Variants in VRK2 observed in about 807,000 individuals in gnomAD.
VRK2 encodes the protein VRK serine/threonine kinase 2.
A neutral mutation model predicts 57.6 loss-of-function variants in VRK2; 60 were observed. That is an observed-to-expected ratio of 1.04 (90% CI 0.85 to 1.29). The LOEUF (loss-of-function observed/expected upper bound fraction) is 1.29. Ranked by LOEUF, VRK2 falls within the 50% of genes most tolerant of loss-of-function variation. The probability of loss-of-function intolerance (pLI) is 0.00; values close to 1 mark genes in which losing one functional copy is unlikely to be tolerated. For missense variants in VRK2, 705 were observed against 588.1 expected (o/e 1.20, Z -2.06); for synonymous variants, 231 against 199.2 (o/e 1.16, Z -1.35).
chr2:57,947,349 A>AT (rs376766093), intron 1 of VRK2, among the ~76,000 whole-genome samples: 11 of 152,248 alleles, frequency 7.2e-5, no homozygotes, highest in African/African-American at 2.2e-4. Context: ...GGCACCAAAT[A>AT]TTTTTTTAAA....
chr2:58,159,189 T>C, intron 12 of VRK2, 160 bp from the exon 13 acceptor site: 1 of 556,902 alleles, frequency 1.8e-6, no homozygotes. Flanking sequence ...AAAGTGTAAA[T>C]CTTTAAGATC....
At chr2:58,145,692 G>T (rs1057363346) in intron 11 of VRK2, among the ~76,000 whole-genome samples, 1 of 151,756 alleles carries the variant, frequency 6.6e-6, no homozygotes, top group Non-Finnish European at 1.5e-5. Context: ...TATTACATAT[G>T]TATATATGTG....
intron 11 of VRK2, among the ~76,000 whole-genome samples, chr2:58,142,108 C>T (rs547391125): frequency 6.6e-6 from 1 of 151,692 alleles, no homozygotes; most frequent in African/African-American, 2.4e-5. Flanking sequence ...AAAAGGTATA[C>T]ATAAATAAAT....
At chr2:57,938,248 T>C (rs1670981018) in intron 1 of VRK2, among the ~76,000 whole-genome samples, 1 of 152,184 alleles carries the variant, frequency 6.6e-6, no homozygotes, top group Non-Finnish European at 1.5e-5. Context: ...CTCTATAACA[T>C]AATAATGTTC....
At chr2:58,114,067 G>A (rs1283832237) in intron 7 of VRK2, among the ~76,000 whole-genome samples, 1 of 152,042 alleles carries the variant, frequency 6.6e-6, no homozygotes, top group African/African-American at 2.4e-5. Flanking sequence ...TTGTGGGGTT[G>A]TTAGAAGAAA....
intron 1 of VRK2, among the ~76,000 whole-genome samples, chr2:57,969,924 T>C (rs1293176406): frequency 6.6e-6 from 1 of 151,946 alleles, no homozygotes; most frequent in African/African-American, 2.4e-5. Flanking sequence ...AAGAATTCCA[T>C]TGACCCCTTG....
At chr2:58,132,678 A>C (rs191872816) in intron 9 of VRK2, among the ~76,000 whole-genome samples, 34 of 152,314 alleles carry the variant, frequency 2.2e-4, no homozygotes, top group African/African-American at 8.2e-4. Context: ...GCTAAGTTTT[A>C]AGTAGGAAAA....
chr2:57,989,379 T>C (rs1341066329), intron 1 of VRK2, among the ~76,000 whole-genome samples: 2 of 152,232 alleles, frequency 1.3e-5, no homozygotes, highest in Non-Finnish European at 2.9e-5. Context: ...TTAATATAAT[T>C]CTAATATCAC....
At chr2:58,021,985 T>C (rs868448007) in intron 1 of VRK2, among the ~76,000 whole-genome samples, 14 of 152,248 alleles carry the variant, frequency 9.2e-5, no homozygotes, top group African/African-American at 3.4e-4. Context: ...AGTCAGAACG[T>C]TGGTAAATTA....
intron 3 of VRK2, among the ~76,000 whole-genome samples, chr2:58,040,269 C>A (rs1162748544): frequency 6.6e-6 from 1 of 152,002 alleles, no homozygotes; most frequent in Admixed American, 6.6e-5. Flanking sequence ...AGTGTATTTG[C>A]CTGAAATAAC....
At chr2:57,921,720 C>T (rs916805499) in intron 1 of VRK2, among the ~76,000 whole-genome samples, 4 of 152,066 alleles carry the variant, frequency 2.6e-5, no homozygotes, top group Non-Finnish European at 5.9e-5. Flanking sequence ...GATATGTGTG[C>T]ACATTTTTTT....
At chr2:58,035,560 C>A (rs1244203179) in intron 3 of VRK2, among the ~76,000 whole-genome samples, 4 of 151,964 alleles carry the variant, frequency 2.6e-5, no homozygotes, top group Non-Finnish European at 1.5e-5. Context: ...GATTGAGTAG[C>A]CTTATGAAAT....
intron 6 of VRK2, 49 bp from the exon 7 acceptor site, chr2:58,089,582 A>T (rs757954079): frequency 8.5e-7 from 1 of 1,177,402 alleles, no homozygotes; most frequent in African/African-American, 1.5e-5. Context: ...GAAATTGATC[A>T]TGAGTTCTAA....
At chr2:58,147,031 A>G in intron 12 of VRK2, 1 of 368,432 alleles carries the variant, frequency 2.7e-6, no homozygotes, top group East Asian at 6.0e-5. Context: ...AATTTTGTCA[A>G]AATGACCAAC....
chr2:58,145,681 TTATTACA>T (rs71938323), intron 11 of VRK2, among the ~76,000 whole-genome samples: 2,320 of 152,114 alleles, frequency 0.015, 61 homozygotes, highest in African/African-American at 0.052. Flanking sequence ...ACCTGCAGGT[TTATTACA>T]TATGTATATA....
chr2:58,086,311 C>T, intron 4 of VRK2, 28 bp from the exon 5 acceptor site: 2 of 1,559,520 alleles, frequency 1.3e-6, no homozygotes, highest in South Asian at 2.4e-5. Flanking sequence ...TAACATGAAT[C>T]TTTTTAAAAA....
intron 1 of VRK2, among the ~76,000 whole-genome samples, chr2:57,956,117 G>T (rs1671579045): frequency 6.6e-6 from 1 of 152,172 alleles, no homozygotes; most frequent in Non-Finnish European, 1.5e-5. Context: ...TTCAGGCCAG[G>T]TGAGGTGGCT....
chr2:58,159,094 C>T (rs1684582950), intron 12 of VRK2: 3 of 299,850 alleles, frequency 1.0e-5, no homozygotes, highest in East Asian at 1.1e-4. Context: ...TTATAAATTA[C>T]TTAAGAGATG....
rs1684734990 is a variant in VRK2, at chr2:58,159,537, C to G, written c.1371C>G (p.Val457=). 2 of 1,613,662 alleles carry G rather than the reference C, an allele frequency of 1.2e-6. No homozygotes were observed. Among genetic ancestry groups the G allele is most frequent in the African/African-American group, 2.7e-5 (2 of 74,892 alleles). ...CTTGGTATAAATACACTTCCACAGT[C>G]AGCACGGGGATCACAGACTTAGAAA... The part of the protein sequence containing the change: ...SPSWYKYTST[V]STGITDLESS... The change falls in exon 13 of 13, where the codon GTC becomes GTG. Residue 457 remains valine, a synonymous_variant. Coordinates refer to ENST00000340157, the MANE Select transcript of VRK2 (RefSeq NM_006296.7).
Sources: gnomAD v4.1 joint callset for allele counts (sites outside exome capture counted in the v4.1 genomes callset) on GRCh38, gnomAD v4.1.1 for gene constraint, MANE v1.5 for transcripts, NCBI Gene and HGNC (gene_info 2026-07-23, HGNC 2026-07-21) for gene names.